The following LY75 variants were observed in gnomAD, a reference collection of about 807,000 sequenced individuals.
LY75 encodes lymphocyte antigen 75.
In LY75, 185 loss-of-function variants were observed where a neutral mutation model predicts 231.7. The observed-to-expected ratio is 0.80, with a 90% confidence interval of 0.71 to 0.90. The LOEUF (loss-of-function observed/expected upper bound fraction) is 0.90, where lower values mean the gene tolerates loss of function less well. LY75 is among the 40% of genes least tolerant of loss of function. The pLI, the probability that LY75 is intolerant of heterozygous loss-of-function variation, is 0.00. For synonymous variants in LY75, 668 were observed against 689.0 expected, an observed-to-expected ratio of 0.97 and a Z score of 0.48; for missense variants, 1,947 against 2,050.2, an observed-to-expected ratio of 0.95 and a Z score of 0.97.
intron 13 of LY75, among the ~76,000 whole-genome samples, chr2:159,866,816 A>G (rs1335234401): frequency 6.6e-6 from 1 of 152,174 alleles, no homozygotes; most frequent in Non-Finnish European, 1.5e-5. Context: ...CCCTAAAGTA[A>G]GCATTAGCTA....
rs1302504200 is a variant in LY75, at chr2:159,886,413, CAGT to C, written c.913+4_913+6del. On this transcript the variant is annotated splice_donor_5th_base_variant and intron_variant, in intron 5 of 34. Transcript: ENST00000263636. ...CTGTGCAGAGGGGGTAGGGAAAGAG[CAGT>C]TACCTGGATCCCAGTTGAGAAAGTT... is the stretch of plus-strand genomic sequence containing the variant. 2 of 1,604,116 alleles carry C rather than the reference CAGT, an allele frequency of 1.2e-6. No individual in the cohort carries two copies. Among genetic ancestry groups the C allele is most frequent in the Non-Finnish European group, 1.7e-6 (2 of 1,174,518 alleles).
At position 159,854,957 on chromosome 2, in the gene LY75, C is replaced by T. The variant is rs531077284; in HGVS notation, c.2384-18G>A. 18 of 1,613,606 alleles carry T rather than the reference C, an allele frequency of 1.1e-5. No homozygotes were observed. The African/African-American group carries it at 2.3e-4, about 20-fold the overall frequency. On this transcript the variant is annotated intron_variant, in intron 16 of 34. Transcript: ENST00000263636. ...AGTACGGCCTGTATGAGGAAGAAAG[C>T]AAGTGGCATTAGTATTCCATGACAG...
At chr2:159,873,688 A>AC (rs146229346) in intron 12 of LY75, among the ~76,000 whole-genome samples, 26,587 of 148,852 alleles carry the variant, frequency 0.18, 2,787 homozygotes, top group East Asian at 0.36. Context: ...ACTGATGCAG[A>AC]CCAAATATAT....
In LY75 at chr2:159,881,383, G is replaced by A. The variant is rs1015268134; in HGVS notation, c.1247-143C>T. ...AATTCGGTTATTAATATGTTGATAC[G>A]ACAGGCAGGTTGGGTAATGAAGGCT... On this transcript the variant is annotated intron_variant, in intron 7 of 34. Coordinates refer to ENST00000263636, the MANE Select transcript of LY75 (RefSeq NM_002349.4). 7.9e-6 allele frequency: 8 copies of A among 1,015,244 alleles called. No individual in the cohort carries two copies. In the South Asian group the frequency reaches 1.3e-4, roughly 17 times the overall value. The allele number at this position is 1,015,244 out of a possible 1,614,324, so 62.9% of individuals were successfully genotyped here. A position where few individuals can be genotyped will look rare whatever the true frequency, so the allele number is the denominator to read the frequency against.
chr2:159,900,278 G>C (rs1686035295), intron 1 of LY75, among the ~76,000 whole-genome samples: 1 of 152,156 alleles, frequency 6.6e-6, no homozygotes, highest in Admixed American at 6.5e-5. Context: ...GTAATGCATT[G>C]TTTCTTGCAC....
At chr2:159,844,807 A>T (rs76756043) in intron 23 of LY75, among the ~76,000 whole-genome samples, 27 of 132,842 alleles carry the variant, frequency 2.0e-4, no homozygotes, top group South Asian at 4.3e-4. Context: ...TTTTTTTTTT[A>T]AATTTCAGCT....
Position 159,879,476 on chromosome 2 carries a change from T to C in LY75, c.1405-107A>G, listed in dbSNP as rs1685372880. 12 of 1,467,852 alleles carry C rather than the reference T, an allele frequency of 8.2e-6. No homozygotes were observed. In the South Asian group the frequency reaches 1.5e-4, roughly 18 times the overall value. 90.9% of individuals were successfully genotyped at this position (1,467,852 alleles called of 1,614,324 possible). A position where few individuals can be genotyped will look rare whatever the true frequency, so the allele number is the denominator to read the frequency against. Reference sequence around the variant, plus strand: ...AGAGACAGAGAGAGAGAAATGAATATAAGTGAATTATCAAATGTGAGAACA... The same window carrying C: ...AGAGACAGAGAGAGAGAAATGAATACAAGTGAATTATCAAATGTGAGAACA... On this transcript the variant is annotated intron_variant, in intron 8 of 34. Transcript: ENST00000263636.
intron 2 of LY75, among the ~76,000 whole-genome samples, chr2:159,895,684 C>G (rs1391736823): frequency 1.3e-5 from 2 of 152,206 alleles, no homozygotes; most frequent in African/African-American, 4.8e-5. Context: ...TGATTAGACT[C>G]TTGACCTATA....
chr2:159,894,338 A>G (rs1685847559), intron 2 of LY75, among the ~76,000 whole-genome samples: 2 of 152,222 alleles, frequency 1.3e-5, no homozygotes, highest in South Asian at 4.1e-4. Flanking sequence ...GATAGCGTTC[A>G]GTGATCAACC....
At position 159,824,037 on chromosome 2, in the gene LY75, C is replaced by T. The variant is rs150367975; in HGVS notation, c.3959-4117G>A. On this transcript the variant is annotated intron_variant, in intron 28 of 34. Transcript: ENST00000263636. ...CATTCACACTATGAAGAAACTGCAT[C>T]AACTAACATGCAAAACAATCAGCTA... Among the ~76,000 whole-genome samples the T allele has an allele frequency of 8.5e-4, 129 of 152,280 alleles. 1 individual carries two copies. The highest frequency in any genetic ancestry group is 2.9e-3 in the African/African-American group (120 of 41,566).
chr2:159,844,335 A>AC (rs1684132262), intron 23 of LY75, among the ~76,000 whole-genome samples: 1 of 151,668 alleles, frequency 6.6e-6, no homozygotes, highest in African/African-American at 2.4e-5. Flanking sequence ...AAAAAAAAAA[A>AC]AAAAAAAACT....
chr2:159,890,449 A>G (rs1429420643), intron 3 of LY75, 72 bp from the exon 4 acceptor site: 1 of 1,593,176 alleles, frequency 6.3e-7, no homozygotes, highest in East Asian at 2.2e-5. Flanking sequence ...ATGCTTAGAA[A>G]TACTGCAAGT....
At position 159,885,280 on chromosome 2, in the gene LY75, T is replaced by C. The variant is rs1383071742; in HGVS notation, c.927A>G (p.Ala309=). 6.2e-7 allele frequency: 1 copy of C among 1,613,148 alleles called. No individual in the cohort carries two copies. The highest frequency in any genetic ancestry group is 1.3e-5 in the African/African-American group (1 of 74,880). The change falls in exon 6 of 35, where the codon GCA becomes GCG. Residue 309 remains alanine, a synonymous_variant. Transcript: ENST00000263636. ...CACAGCTGGAGCCACCTATAGTAGG[T>C]GCACTGGGCCTGTCTTAAAAGGGAA... ...FLNWDPDRPS[A]PTIGGSSCAR... is the part of the protein sequence containing the mutation.
chr2:159,877,448 C>G (rs145926729), intron 11 of LY75, among the ~76,000 whole-genome samples: 94 of 152,300 alleles, frequency 6.2e-4, no homozygotes, highest in African/African-American at 2.2e-3. Context: ...AGTAAATCAC[C>G]TTTTAAAGTC....
intron 4 of LY75, among the ~76,000 whole-genome samples, chr2:159,887,211 TCACACACACACACACACA>T (rs370794967): frequency 1.5e-5 from 2 of 129,978 alleles, no homozygotes; most frequent in African/African-American, 2.8e-5. Flanking sequence ...AGAGTGAGAG[TCACACACACACACACACA>T]CACACACACA....
In LY75 at chr2:159,819,932, A is replaced by G. The variant is rs757029037; in HGVS notation, c.3959-12T>C. ...CATAAGAGACTTATCTAGAGAAGAA[A>G]CATTTTTTCCTATGCTTAGAGATTA... On this transcript the variant is annotated splice_polypyrimidine_tract_variant and intron_variant, in intron 28 of 34. Transcript: ENST00000263636. 28 of 1,487,634 alleles carry G rather than the reference A, an allele frequency of 1.9e-5. No homozygotes were observed. In the Admixed American group the frequency reaches 4.8e-4, roughly 26 times the overall value. 92.2% of individuals were successfully genotyped at this position (1,487,634 alleles called of 1,614,324 possible).
At chr2:159,807,579 A>G (rs913464406) in intron 33 of LY75, 1 of 975,798 alleles carries the variant, frequency 1.0e-6, no homozygotes, top group African/African-American at 1.8e-5. Flanking sequence ...CTCCATCCCC[A>G]CCTTTCTCCC....
chr2:159,852,350 G>A lies in LY75; in HGVS notation c.2744-10C>T. 1 of 1,610,014 alleles carries A rather than the reference G, an allele frequency of 6.2e-7. No homozygotes were observed. Among genetic ancestry groups the A allele is most frequent in the Non-Finnish European group, 8.5e-7 (1 of 1,178,000 alleles). On this transcript the variant is annotated splice_polypyrimidine_tract_variant and intron_variant, in intron 20 of 34. Transcript: ENST00000263636. ...GTTGGTTTACCTAAGTCTGAGAAAT[G>A]AAAAGCCAGGATTACTATGGTGAGA...
rs774733905 is a variant in LY75, at chr2:159,819,844, A to AT, written c.4034dup (p.Asn1345LysfsTer2). ...TACTTAAACCAGCCAAAAACTTCTC[A>AT]TTTTTTATAGTTGGTCTTCCTGCTC... On this transcript the variant is annotated frameshift_variant, in exon 29 of 35. Transcript: ENST00000263636. LOFTEE classifies it high-confidence loss of function. 5.0e-6 allele frequency: 8 copies of AT among 1,613,956 alleles called. No individual in the cohort carries two copies. The highest frequency in any genetic ancestry group is 5.9e-6 in the Non-Finnish European group (7 of 1,179,982).
Sources: gnomAD v4.1 joint callset for allele counts (sites outside exome capture counted in the v4.1 genomes callset) on GRCh38, gnomAD v4.1.1 for gene constraint, MANE v1.5 for transcripts, NCBI Gene and HGNC (gene_info 2026-07-23, HGNC 2026-07-21) for gene names.